The following PRELID2 variants were observed in gnomAD, a reference collection of about 807,000 sequenced individuals.
PRELID2 encodes the protein PRELI domain-containing protein 2.
A neutral mutation model predicts 28.4 loss-of-function variants in PRELID2; 25 were observed. That is an observed-to-expected ratio of 0.88 (90% CI 0.64 to 1.23). The LOEUF is 1.23. PRELID2 is among the 50% of genes most tolerant of loss of function. PRELID2 has a pLI of 0.00. For synonymous variants in PRELID2, 76 were observed against 71.6 expected, an observed-to-expected ratio of 1.06 and a Z score of -0.31; for missense variants, 201 against 214.4, an observed-to-expected ratio of 0.94 and a Z score of 0.39.
At chr5:145,511,864 C>CCACT (rs1752463941) in intron 1 of PRELID2, among the ~76,000 whole-genome samples, 1 of 152,146 alleles carries the variant, frequency 6.6e-6, no homozygotes, top group Non-Finnish European at 1.5e-5. Flanking sequence ...GCCTCTCTAG[C>CCACT]CTCCATAGTG....
At chr5:145,363,495 T>C in the PRELID2 span, among the ~76,000 whole-genome samples, 1 of 152,086 alleles carries the variant, frequency 6.6e-6, no homozygotes, top group African/African-American at 2.4e-5. Context: ...AAGTCTCATT[T>C]AGGCTAATTG....
At chr5:145,274,280 T>C in the PRELID2 span, among the ~76,000 whole-genome samples, 1 of 152,168 alleles carries the variant, frequency 6.6e-6, no homozygotes, top group African/African-American at 2.4e-5. Flanking sequence ...CTGTTTCTAA[T>C]CTGAGATTGT....
At chr5:145,613,300 AT>A (rs1282042656) in intron 1 of PRELID2, among the ~76,000 whole-genome samples, 1 of 150,950 alleles carries the variant, frequency 6.6e-6, no homozygotes, top group Non-Finnish European at 1.5e-5. Context: ...TTATTTATTT[AT>A]TTTTTTATTA....
chr5:145,428,920 G>C, the PRELID2 span, among the ~76,000 whole-genome samples: 10 of 75,394 alleles, frequency 1.3e-4, no homozygotes, highest in Non-Finnish European at 3.1e-4. Context: ...AAGGAGGCCA[G>C]TGTGGCTGGG....
the PRELID2 span, among the ~76,000 whole-genome samples, chr5:145,417,038 GAT>G: frequency 6.6e-6 from 1 of 151,720 alleles, no homozygotes; most frequent in Admixed American, 6.6e-5. Context: ...GAAGAGAAGA[GAT>G]AAATAGAGAC....
intron 1 of PRELID2, among the ~76,000 whole-genome samples, chr5:145,649,215 T>C (rs1754246833): frequency 6.6e-6 from 1 of 152,194 alleles, no homozygotes; most frequent in Non-Finnish European, 1.5e-5. Context: ...GGAAAATGTG[T>C]GTAGGTTATA....
chr5:145,727,140 C>T (rs966111607), intron 1 of PRELID2, among the ~76,000 whole-genome samples: 68 of 152,154 alleles, frequency 4.5e-4, no homozygotes, highest in African/African-American at 1.6e-3. Flanking sequence ...CGTTAAGCAC[C>T]TGATTTACAG....
At position 145,492,432 on chromosome 5, in the gene PRELID2, T is replaced by C. The variant is rs934187797; in HGVS notation, n.71-19117A>G. ...TTTTGGATATTGACCCCTTATCAGA[T>C]GTATAGTTTGCAAATATTTTCTCCA... On this transcript the variant is annotated intron_variant and non_coding_transcript_variant, in intron 1 of 2. Coordinates refer to the PRELID2 transcript ENST00000510259. 2.1e-5 allele frequency among the ~76,000 whole-genome samples: 3 copies of C among 142,628 alleles called. 1 individual carries two copies. The highest frequency in any genetic ancestry group is 7.0e-5 in the Admixed American group (1 of 14,260). 93.6% of individuals were successfully genotyped at this position (142,628 alleles called of 152,430 possible).
At chr5:145,454,246 T>A in the PRELID2 span, among the ~76,000 whole-genome samples, 1 of 152,132 alleles carries the variant, frequency 6.6e-6, no homozygotes, top group Admixed American at 6.6e-5. Flanking sequence ...AAGCTAAAAA[T>A]TCTCAATAAA....
chr5:145,772,939 T>C (rs973017955), intron 5 of PRELID2, among the ~76,000 whole-genome samples: 2 of 152,354 alleles, frequency 1.3e-5, no homozygotes, highest in Admixed American at 6.5e-5. Flanking sequence ...ATAGAATGTA[T>C]GGCTTCAATA....
chr5:145,682,390 G>A (rs1754954088), intron 1 of PRELID2, among the ~76,000 whole-genome samples: 1 of 152,184 alleles, frequency 6.6e-6, no homozygotes, highest in South Asian at 2.1e-4. Context: ...TTAGCACAGT[G>A]TGACGTCTAC....
chr5:145,762,395 G>A (rs1206145062), intron 6 of PRELID2, among the ~76,000 whole-genome samples: 1 of 151,810 alleles, frequency 6.6e-6, no homozygotes, highest in African/African-American at 2.4e-5. Flanking sequence ...AAATTAGCCA[G>A]GTGTGGTGGT....
chr5:145,544,611 A>G (rs2126675287), intron 1 of PRELID2, among the ~76,000 whole-genome samples: 1 of 152,118 alleles, frequency 6.6e-6, no homozygotes, highest in East Asian at 1.9e-4. Flanking sequence ...TGTCTGAGGG[A>G]CCAGCTGGCT....
At chr5:145,432,061 G>T in the PRELID2 span, among the ~76,000 whole-genome samples, 1 of 151,938 alleles carries the variant, frequency 6.6e-6, no homozygotes, top group Non-Finnish European at 1.5e-5. Flanking sequence ...ATATATTTCA[G>T]ACTAATACAT....
chr5:145,419,156 T>A, the PRELID2 span, among the ~76,000 whole-genome samples: 1 of 150,600 alleles, frequency 6.6e-6, no homozygotes, highest in Admixed American at 6.6e-5. Flanking sequence ...TGGTTCCAAG[T>A]CTTTGCTATT....
downstream of PRELID2, among the ~76,000 whole-genome samples, chr5:145,467,822 T>C (rs892866457): frequency 6.6e-6 from 1 of 151,956 alleles, no homozygotes; most frequent in Non-Finnish European, 1.5e-5. Context: ...TCAACTGTCA[T>C]GCCATATATG....
intron 1 of PRELID2, among the ~76,000 whole-genome samples, chr5:145,528,690 TACAC>T (rs34302691): frequency 0.026 from 3,308 of 128,506 alleles, 50 homozygotes; most frequent in African/African-American, 0.059. Flanking sequence ...CATTCTAAAC[TACAC>T]ACACACACAC....
At chr5:145,808,787 G>A (rs1023242342) in intron 4 of PRELID2, among the ~76,000 whole-genome samples, 5 of 151,954 alleles carry the variant, frequency 3.3e-5, no homozygotes, top group African/African-American at 4.8e-5. Context: ...CAGAGGCTGA[G>A]GTGGCAGAAT....
At chr5:145,734,833 G>C (rs2149729915) in intron 1 of PRELID2, among the ~76,000 whole-genome samples, 1 of 152,318 alleles carries the variant, frequency 6.6e-6, no homozygotes. Context: ...GTAAATGGCA[G>C]ACTAACTAAG....
Sources: gnomAD v4.1 joint callset for allele counts (sites outside exome capture counted in the v4.1 genomes callset) on GRCh38, gnomAD v4.1.1 for gene constraint, MANE v1.5 for transcripts, NCBI Gene and HGNC (gene_info 2026-07-23, HGNC 2026-07-21) for gene names.